The following SIPA1L2 variants were observed in gnomAD, a reference collection of about 807,000 sequenced individuals.
SIPA1L2 encodes the protein signal-induced proliferation-associated 1-like protein 2.
SIPA1L2 carries 56 observed loss-of-function variants against 163.9 expected under a neutral mutation model. That is an observed-to-expected ratio of 0.34 (90% CI 0.28 to 0.43). The LOEUF is 0.43. Among genes scored for constraint, SIPA1L2 ranks in the 20% least tolerant of loss-of-function variants. The pLI, the probability that SIPA1L2 is intolerant of heterozygous loss-of-function variation, is 1.00. For synonymous variants in SIPA1L2, 877 were observed against 865.7 expected, an observed-to-expected ratio of 1.01 and a Z score of -0.23; for missense variants, 1,974 against 2,193.5, an observed-to-expected ratio of 0.90 and a Z score of 2.00.
chr1:232,540,848 G>A (rs1657614958), intron 2 of SIPA1L2, among the ~76,000 whole-genome samples: 1 of 152,164 alleles, frequency 6.6e-6, no homozygotes, highest in African/African-American at 2.4e-5. Context: ...CAGGCACCTT[G>A]CTATTAACTT....
In SIPA1L2 at chr1:232,465,432, C is replaced by G; in HGVS notation, c.2244-16G>C. 6.3e-7 allele frequency: 1 copy of G among 1,583,626 alleles called. No individual in the cohort carries two copies. The highest frequency in any genetic ancestry group is 8.6e-7 in the Non-Finnish European group (1 of 1,164,620). On this transcript the variant is annotated splice_polypyrimidine_tract_variant and intron_variant, in intron 8 of 22. Transcript: ENST00000674635. This position sits in a 1 kb window ranked among gnomAD's most constrained non-coding sequence, Gnocchi z 4.1. ...AACTCCAACACTGAGGAAGTAAAAA[C>G]AGAAACAAAATGAGATGAGCTATGA...
chr1:232,513,801 T>C (rs1667088875), intron 3 of SIPA1L2, 56 bp downstream of exon 3: 1 of 1,509,076 alleles, frequency 6.6e-7, no homozygotes, highest in African/African-American at 1.4e-5. Context: ...ACATTGTGAC[T>C]GGTTCTTAAA....
chr1:232,436,405 G>A (rs1246725959), intron 15 of SIPA1L2, among the ~76,000 whole-genome samples: 2 of 152,174 alleles, frequency 1.3e-5, no homozygotes, highest in East Asian at 3.9e-4. Context: ...ATAACACACG[G>A]GTCAGGGGCA....
At chr1:232,619,681 A>AG (rs1662693830) in intron 1 of SIPA1L2, among the ~76,000 whole-genome samples, 1 of 152,178 alleles carries the variant, frequency 6.6e-6, no homozygotes, top group Non-Finnish European at 1.5e-5. Context: ...CTCACACCCT[A>AG]GGGTGCCCCT....
chr1:232,495,249 G>A (rs1666121682), intron 3 of SIPA1L2, among the ~76,000 whole-genome samples: 1 of 152,188 alleles, frequency 6.6e-6, no homozygotes, highest in African/African-American at 2.4e-5. Context: ...GGTAGAAGCA[G>A]CAAGTAAACT....
chr1:232,572,888 C>T (rs1321500710), intron 2 of SIPA1L2, among the ~76,000 whole-genome samples: 1 of 151,794 alleles, frequency 6.6e-6, no homozygotes, highest in Non-Finnish European at 1.5e-5. Flanking sequence ...AAGTGATTCT[C>T]CTGCCTCAGC....
intron 1 of SIPA1L2, among the ~76,000 whole-genome samples, chr1:232,605,236 A>G (rs1661836823): frequency 6.6e-6 from 1 of 151,534 alleles, no homozygotes; most frequent in Non-Finnish European, 1.5e-5. Context: ...CTGGTGTCAA[A>G]CTCCTGGGCT....
At chr1:232,598,098 T>A (rs1297766286) in intron 1 of SIPA1L2, among the ~76,000 whole-genome samples, 1 of 152,136 alleles carries the variant, frequency 6.6e-6, no homozygotes, top group Admixed American at 6.5e-5. Flanking sequence ...TTAGTCAATG[T>A]TCCTTTTAAA....
At chr1:232,421,106 A>C (rs746432724) in intron 18 of SIPA1L2, among the ~76,000 whole-genome samples, 11 of 152,142 alleles carry the variant, frequency 7.2e-5, no homozygotes, top group Non-Finnish European at 1.0e-4. Context: ...AAAACAGGAG[A>C]GAGGGGAGGA....
intron 18 of SIPA1L2, among the ~76,000 whole-genome samples, chr1:232,424,674 TAAA>T (rs1661782288): frequency 6.6e-6 from 1 of 152,192 alleles, no homozygotes; most frequent in Non-Finnish European, 1.5e-5. Context: ...TTATGTTACT[TAAA>T]GAAGTAGATT....
intron 3 of SIPA1L2, among the ~76,000 whole-genome samples, chr1:232,506,195 T>C (rs1208081555): frequency 1.3e-5 from 2 of 152,204 alleles, no homozygotes; most frequent in Non-Finnish European, 2.9e-5. Context: ...CTCTAAAGCC[T>C]GTAGCAGTGG....
chr1:232,610,740 C>T (rs970615669), intron 1 of SIPA1L2, among the ~76,000 whole-genome samples: 1 of 152,062 alleles, frequency 6.6e-6, no homozygotes, highest in Non-Finnish European at 1.5e-5. Context: ...GTCATCTGTT[C>T]CCAAGTTGGA....
At chr1:232,609,761 C>T (rs188018777) in intron 1 of SIPA1L2, among the ~76,000 whole-genome samples, 32 of 146,476 alleles carry the variant, frequency 2.2e-4, no homozygotes, top group Admixed American at 1.8e-3. Flanking sequence ...ACCTGGGAGG[C>T]GGAGCTTGCA....
chr1:232,416,952 G>A (rs1022440868), intron 18 of SIPA1L2, among the ~76,000 whole-genome samples: 7 of 152,138 alleles, frequency 4.6e-5, no homozygotes, highest in African/African-American at 1.7e-4. Context: ...CTGAGGACAA[G>A]TTCTAAAAAG....
intron 2 of SIPA1L2, among the ~76,000 whole-genome samples, chr1:232,533,251 G>T (rs1480708477): frequency 6.6e-6 from 1 of 152,130 alleles, no homozygotes; most frequent in African/African-American, 2.4e-5. Context: ...GATCCACAGG[G>T]TAAAAAAATA....
chr1:232,619,805 T>TA (rs1232578329), intron 1 of SIPA1L2, among the ~76,000 whole-genome samples: 4 of 152,246 alleles, frequency 2.6e-5, no homozygotes, highest in African/African-American at 7.2e-5. Context: ...CTGAGGGAGT[T>TA]AGACAAGGCC....
intron 2 of SIPA1L2, among the ~76,000 whole-genome samples, chr1:232,537,810 G>A (rs1657405453): frequency 6.6e-6 from 1 of 152,202 alleles, no homozygotes; most frequent in African/African-American, 2.4e-5. Flanking sequence ...GGCAGGTAAG[G>A]CTTAGAATAG....
At chr1:232,528,100 A>ATC (rs1228951656) in intron 2 of SIPA1L2, among the ~76,000 whole-genome samples, 1 of 134,780 alleles carries the variant, frequency 7.4e-6, no homozygotes. Context: ...ATATATATAT[A>ATC]TAATCAACTT....
At chr1:232,581,103 C>T (rs1660347379) in intron 1 of SIPA1L2, among the ~76,000 whole-genome samples, 1 of 152,150 alleles carries the variant, frequency 6.6e-6, no homozygotes, top group African/African-American at 2.4e-5. Flanking sequence ...CTTACCCTCC[C>T]TCTTGTGCTG....
Sources: allele counts gnomAD v4.1 joint callset (sites outside exome capture counted in the v4.1 genomes callset), GRCh38; gene constraint gnomAD v4.1.1; non-coding constraint Gnocchi (gnomAD v3.1); transcripts MANE v1.5; gene names NCBI Gene and HGNC (gene_info 2026-07-23, HGNC 2026-07-21).